Variants in UBTF observed in about 807,000 individuals in gnomAD.
UBTF encodes nucleolar transcription factor 1.
UBTF carries 8 observed loss-of-function variants against 112.3 expected under a neutral mutation model. The ratio of observed to expected loss-of-function variants is 0.07; its 90% CI spans 0.04 to 0.13. UBTF has a LOEUF of 0.13. Among genes scored for constraint, UBTF ranks in the 10% least tolerant of loss-of-function variants. The pLI is 1.00. For missense variants in UBTF, 457 were observed against 982.1 expected, an observed-to-expected ratio of 0.47 and a Z score of 7.15; for synonymous variants, 417 against 373.1, an observed-to-expected ratio of 1.12 and a Z score of -1.36.
In UBTF at chr17:44,210,786, C is replaced by T. The variant is rs757656140; in HGVS notation, c.1359+6G>A. 75 of 1,559,824 alleles carry T rather than the reference C, an allele frequency of 4.8e-5. No homozygotes were observed. The highest frequency in any genetic ancestry group is 6.5e-5 in the Non-Finnish European group (75 of 1,151,432). On this transcript the variant is annotated splice_donor_region_variant and intron_variant, in intron 13 of 20. Coordinates refer to ENST00000436088, the MANE Select transcript of UBTF (RefSeq NM_014233.4). ...GGGGGCACAGCGCTCCGCCAGGCAG[C>T]CTGACCTTCTTCTTCTCAGACAGGT...
chr17:44,211,247 T>A lies in UBTF; in HGVS notation c.1089+43A>T, dbSNP rs1356473606. On this transcript the variant is annotated intron_variant, in intron 11 of 20. Transcript: ENST00000436088. The surrounding 1 kb of genome is among the most constrained non-coding windows in gnomAD (Gnocchi z 4.9). ...GCTCACCAGGGCTCTGCCTGCCAAGTCCCAGTCTTCTCTGCCCACTGCCCC... is the reference window on the plus strand; with the variant it reads ...GCTCACCAGGGCTCTGCCTGCCAAGACCCAGTCTTCTCTGCCCACTGCCCC... The A allele has an allele frequency of 6.2e-7, 1 of 1,614,120 alleles. No individual in the cohort carries two copies. The highest frequency in any genetic ancestry group is 8.5e-7 in the Non-Finnish European group (1 of 1,180,004).
rs1290743651 is a variant in UBTF at position 44,205,944 on chromosome 17, G to C, written c.*1298C>G. Reference sequence around the variant, plus strand: ...GACTTCTTGCCCAGCTGTGGGGTTGGGGGAGGAGGGAGCAGACCTGAGAAA... The same window carrying C: ...GACTTCTTGCCCAGCTGTGGGGTTGCGGGAGGAGGGAGCAGACCTGAGAAA... On this transcript the variant is annotated 3_prime_UTR_variant, in exon 21 of 21. Transcript: ENST00000436088. 6.6e-6 allele frequency: 1 copy of C among 152,188 alleles called. No homozygotes were observed. Among genetic ancestry groups the C allele is most frequent in the African/African-American group, 2.4e-5 (1 of 41,422 alleles). 9.4% of individuals were successfully genotyped at this position (152,188 alleles called of 1,614,324 possible).
intron 17 of UBTF, among the ~76,000 whole-genome samples, chr17:44,208,264 A>G (rs1301288462): frequency 6.6e-6 from 1 of 151,868 alleles, no homozygotes; most frequent in East Asian, 1.9e-4. Flanking sequence ...CCACCACACC[A>G]TGCTACCTTA....
Position 44,209,672 on chromosome 17 carries a change from A to T in UBTF, c.1688T>A (p.Phe563Tyr). The T allele has an allele frequency of 6.2e-7, 1 of 1,614,108 alleles. No individual in the cohort carries two copies. Among genetic ancestry groups the T allele is most frequent in the Non-Finnish European group, 8.5e-7 (1 of 1,180,024 alleles). The change falls in exon 16 of 21, where the codon TTC (phenylalanine) becomes TAC (tyrosine). Residue 563 changes from phenylalanine (F) to tyrosine (Y), a missense_variant. Phe to Tyr is a conservative substitution (Grantham distance 22). Around this residue, in one of 7 missense-constraint regions of UBTF, gnomAD observed 77 missense variants for 211.9 expected, o/e 0.36. Coordinates refer to ENST00000436088, the MANE Select transcript of UBTF (RefSeq NM_014233.4). ...AATNSSKKMK[F>Y]QGEPKKPPMN... is the part of the protein sequence containing the mutation. ...GGGAGGCTTCTTGGGTTCTCCCTGGAATTTCATCTTCTTGGAAGAATTTGT... is the reference window on the plus strand; with the variant it reads ...GGGAGGCTTCTTGGGTTCTCCCTGGTATTTCATCTTCTTGGAAGAATTTGT...
rs1567805720 is a variant in UBTF at position 44,215,889 on chromosome 17, T to C, written c.318+17A>G. ...TTTCCTCCCATACCCCTCATGCTCC[T>C]CCTCCTAGTAACTCACCTTGAGTTT... On this transcript the variant is annotated intron_variant, in intron 4 of 20. Coordinates refer to ENST00000436088, the MANE Select transcript of UBTF (RefSeq NM_014233.4). The C allele has an allele frequency of 3.7e-6, 6 of 1,614,012 alleles. No individual in the cohort carries two copies. Among genetic ancestry groups the C allele is most frequent in the East Asian group, 4.5e-5 (2 of 44,880 alleles).
In UBTF at chr17:44,206,956, G is replaced by C; in HGVS notation, c.*286C>G. 1 of 517,614 alleles carries C rather than the reference G, an allele frequency of 1.9e-6. No individual in the cohort carries two copies. Among genetic ancestry groups the C allele is most frequent in the East Asian group, 3.1e-5 (1 of 32,160 alleles). The allele number at this position is 517,614 out of a possible 1,614,324, so 32.1% of individuals were successfully genotyped here. A position where few individuals can be genotyped will look rare whatever the true frequency, so the allele number is the denominator to read the frequency against. ...CATTGTCCATGCCGGAACCGCAAGT[G>C]CAGAAGTGGGTGGGGTGGGCCAGGC... On this transcript the variant is annotated 3_prime_UTR_variant, in exon 21 of 21. Transcript: ENST00000436088.
chr17:44,213,576 A>G (rs924006893), intron 5 of UBTF, among the ~76,000 whole-genome samples: 9 of 152,226 alleles, frequency 5.9e-5, no homozygotes, highest in Non-Finnish European at 1.3e-4. Flanking sequence ...ACGGTCACAC[A>G]GTGCGCAGTG....
intron 13 of UBTF, 74 bp from the exon 14 acceptor site, chr17:44,210,547 C>T: frequency 6.8e-7 from 1 of 1,464,306 alleles, no homozygotes; most frequent in Non-Finnish European, 8.9e-7. Flanking sequence ...GCAGCCCAGG[C>T]GCTCCCGCCG....
At chr17:44,220,245 G>A (rs2047117731), upstream of UBTF, among the ~76,000 whole-genome samples, 1 of 151,880 alleles carries the variant, frequency 6.6e-6, no homozygotes, top group Non-Finnish European at 1.5e-5. Context: ...CCGCGGAGAG[G>A]GTGCCCGGAG....
rs368152433 is a variant in UBTF at position 44,211,723 on chromosome 17, T to C, written c.930A>G (p.Ala310=). ...CGTCCTTCATGTTGGCCATGAGCTCTGCGCAGTACAGCGAGTAGCTGTTCC... is the reference window on the plus strand; with the variant it reads ...CGTCCTTCATGTTGGCCATGAGCTCCGCGCAGTACAGCGAGTAGCTGTTCC... ...PPPNSYSLYC[A]ELMANMKDVP... Residue 310 remains alanine (A), a synonymous_variant, in exon 10 of 21, where the codon GCA becomes GCG. Transcript: ENST00000436088. This position sits in a 1 kb window ranked among gnomAD's most constrained non-coding sequence, Gnocchi z 4.9. The C allele has an allele frequency of 3.7e-6, 6 of 1,608,120 alleles. No homozygotes were observed. The highest frequency in any genetic ancestry group is 3.3e-5 in the Admixed American group (2 of 59,992).
At position 44,205,228 on chromosome 17, in the gene UBTF, T is replaced by C. The variant is rs1286494646; in HGVS notation, c.*2014A>G. On this transcript the variant is annotated 3_prime_UTR_variant, in exon 21 of 21. Coordinates refer to ENST00000436088, the MANE Select transcript of UBTF (RefSeq NM_014233.4). ...GAAGTTGGGGGTGGGGATGGGGGTCTTCCCACCCCAGCCATCCCATCCCAG... is the reference window on the plus strand; with the variant it reads ...GAAGTTGGGGGTGGGGATGGGGGTCCTCCCACCCCAGCCATCCCATCCCAG... The C allele has an allele frequency of 6.6e-6, 1 of 152,548 alleles. No individual in the cohort carries two copies. Among genetic ancestry groups the C allele is most frequent in the African/African-American group, 2.4e-5 (1 of 41,428 alleles). The allele number at this position is 152,548 out of a possible 1,614,324, so 9.4% of individuals were successfully genotyped here.
At chr17:44,207,816 C>G in intron 18 of UBTF, 46 bp from the exon 19 acceptor site, 1 of 1,614,168 alleles carries the variant, frequency 6.2e-7, no homozygotes, top group Non-Finnish European at 8.5e-7. Flanking sequence ...TTCGACACCC[C>G]TGAATTCCCC....
In UBTF at chr17:44,218,385, T is replaced by C. The variant is rs1340387409; in HGVS notation, c.-67-89A>G. Reference sequence around the variant, plus strand: ...ACCGCCCAGAGTAGAAGGGGGCAGGTCCACACTCTGAGAGACTCAGCCATG... The same window carrying C: ...ACCGCCCAGAGTAGAAGGGGGCAGGCCCACACTCTGAGAGACTCAGCCATG... On this transcript the variant is annotated intron_variant, in intron 1 of 20. Coordinates refer to ENST00000436088, the MANE Select transcript of UBTF (RefSeq NM_014233.4). 4.1e-6 allele frequency: 3 copies of C among 723,742 alleles called. No individual in the cohort carries two copies. The Admixed American group carries it at 8.0e-5, about 19-fold the overall frequency. 44.8% of individuals were successfully genotyped at this position (723,742 alleles called of 1,614,324 possible).
intron 16 of UBTF, 43 bp downstream of exon 16, chr17:44,209,602 A>C (rs749013011): frequency 4.6e-5 from 75 of 1,613,388 alleles, no homozygotes; most frequent in Admixed American, 4.3e-4. Flanking sequence ...TCCAGCCCTG[A>C]CCCTCCCCGA....
Position 44,207,079 on chromosome 17 carries a change from C to G in UBTF, c.*163G>C, listed in dbSNP as rs536050870. 2.2e-5 allele frequency: 18 copies of G among 802,754 alleles called. No homozygotes were observed. The African/African-American group carries it at 3.1e-4, about 14-fold the overall frequency. 49.7% of individuals were successfully genotyped at this position (802,754 alleles called of 1,614,324 possible). ...CTGCAGAGTCCTGGCCTGGGCTCCT[C>G]CAGCCCCCTACCCCCACCGTATTTT... is the stretch of plus-strand genomic sequence containing the variant. On this transcript the variant is annotated 3_prime_UTR_variant, in exon 21 of 21. Transcript: ENST00000436088.
In UBTF at chr17:44,207,917, G is replaced by T. The variant is rs995630083; in HGVS notation, c.1906-6C>A. On this transcript the variant is annotated splice_region_variant and splice_polypyrimidine_tract_variant and intron_variant, in intron 17 of 20. Transcript: ENST00000436088. ...CGGTCCTGGGGAGACAGGCTCTGGG[G>T]GAGACAGAAGCGGCAAGGGTTGGAA... 6.2e-7 allele frequency: 1 copy of T among 1,613,664 alleles called. No homozygotes were observed. The highest frequency in any genetic ancestry group is 1.3e-5 in the African/African-American group (1 of 74,852).
chr17:44,212,040 G>A lies in UBTF; in HGVS notation c.772-34C>T, dbSNP rs1332692719. Reference sequence around the variant, plus strand: ...CCAGGTGGGGGGACGGAGGGCAATGGGGTGTGGAGTTAGCTAGGGCAGGGG... The same window carrying A: ...CCAGGTGGGGGGACGGAGGGCAATGAGGTGTGGAGTTAGCTAGGGCAGGGG... On this transcript the variant is annotated intron_variant, in intron 8 of 20. Transcript: ENST00000436088. The A allele has an allele frequency of 6.2e-6, 10 of 1,603,670 alleles. No homozygotes were observed. In the South Asian group the frequency reaches 1.1e-4, roughly 18 times the overall value.
chr17:44,216,304 C>A (rs1466108784), intron 3 of UBTF: 2 of 619,654 alleles, frequency 3.2e-6, no homozygotes, highest in Non-Finnish European at 5.7e-6. Context: ...CAGCACAGCT[C>A]AGGCTGTTTG....
intron 2 of UBTF, 127 bp from the exon 3 acceptor site, chr17:44,216,831 GCA>G: frequency 2.3e-6 from 2 of 867,100 alleles, no homozygotes; most frequent in South Asian, 1.5e-5. Context: ...CCATCTGAAG[GCA>G]CAGACAAGAT....
Sources: gnomAD v4.1 joint callset for allele counts (sites outside exome capture counted in the v4.1 genomes callset) on GRCh38, gnomAD v4.1.1 for gene constraint, gnomAD v4.1.1 regional missense constraint, Gnocchi (gnomAD v3.1) non-coding constraint, MANE v1.5 for transcripts, NCBI Gene and HGNC (gene_info 2026-07-23, HGNC 2026-07-21) for gene names.